ADAMTS20: variants seen among roughly 807,000 people sequenced by gnomAD.
The protein encoded by ADAMTS20 is A disintegrin and metalloproteinase with thrombospondin motifs 20.
Under a neutral mutation model 260.1 loss-of-function variants are expected in ADAMTS20, and 225 were observed. The observed-to-expected ratio is 0.87, with a 90% CI of 0.78 to 0.97. ADAMTS20 has a LOEUF of 0.97. Among genes scored for constraint, ADAMTS20 ranks in the 50% least tolerant of loss-of-function variants. The pLI is 0.00. For synonymous variants in ADAMTS20, 802 were observed against 769.5 expected, an observed-to-expected ratio of 1.04 and a Z score of -0.70; for missense variants, 2,400 against 2,337.7, an observed-to-expected ratio of 1.03 and a Z score of -0.55.
At chr12:43,433,070 C>T (rs1180920426) in intron 19 of ADAMTS20, among the ~76,000 whole-genome samples, 1 of 152,126 alleles carries the variant, frequency 6.6e-6, no homozygotes, top group Non-Finnish European at 1.5e-5. Flanking sequence ...ATTATGATTA[C>T]CCAATTACTT....
intron 37 of ADAMTS20, among the ~76,000 whole-genome samples, chr12:43,358,151 T>C (rs1472071057): frequency 6.6e-6 from 1 of 152,206 alleles, no homozygotes; most frequent in Admixed American, 6.5e-5. Flanking sequence ...GTTCCATTCT[T>C]CCATTTGCTC....
chr12:43,420,680 C>T (rs1453307200), intron 28 of ADAMTS20, among the ~76,000 whole-genome samples: 2 of 151,940 alleles, frequency 1.3e-5, no homozygotes, highest in African/African-American at 2.4e-5. Flanking sequence ...AGCCCAACAC[C>T]CTTTGCTCAG....
intron 4 of ADAMTS20, among the ~76,000 whole-genome samples, chr12:43,497,372 A>C (rs1310968763): frequency 6.6e-6 from 1 of 152,188 alleles, no homozygotes; most frequent in Non-Finnish European, 1.5e-5. Flanking sequence ...AGCTTTAGCA[A>C]ACATTCACAT....
At chr12:43,503,684 C>T (rs1054715497) in intron 3 of ADAMTS20, among the ~76,000 whole-genome samples, 30 of 152,024 alleles carry the variant, frequency 2.0e-4, no homozygotes, top group African/African-American at 6.8e-4. Flanking sequence ...GTATGTTACC[C>T]CATATTTGTT....
Position 43,399,199 on chromosome 12 carries a change from C to A in ADAMTS20, c.4319G>T (p.Arg1440Leu). 7.0e-6 allele frequency: 11 copies of A among 1,570,550 alleles called. No homozygotes were observed. Among genetic ancestry groups the A allele is most frequent in the Non-Finnish European group, 9.5e-6 (11 of 1,158,408 alleles). ...GAATTGGTCAATGCAAAACACTTCACGGTACTTTCTACCTTTACCACAAGA... is the reference window on the plus strand; with the variant it reads ...GAATTGGTCAATGCAAAACACTTCAAGGTACTTTCTACCTTTACCACAAGA... ...SASCGKGRKY[R>L]EVFCIDQFQR... The change falls in exon 29 of 39, where the codon CGT becomes CTT. Residue 1440 changes from arginine to leucine, a missense_variant. Physicochemically the swap from Arg to Leu is moderately radical, Grantham distance 102 (BLOSUM62 -2). Transcript: ENST00000389420.
chr12:43,532,336 A>G lies in ADAMTS20; in HGVS notation c.454-141T>C. On this transcript the variant is annotated intron_variant, in intron 2 of 38. Coordinates refer to ENST00000389420, the MANE Select transcript of ADAMTS20 (RefSeq NM_025003.5). Reference sequence around the variant, plus strand: ...TAAGAGCCATCAACTGAGCATAAAAAGTTTCCCTTCCCTGGGTCACTTTTC... The same window carrying G: ...TAAGAGCCATCAACTGAGCATAAAAGGTTTCCCTTCCCTGGGTCACTTTTC... 8 of 658,662 alleles carry G rather than the reference A, an allele frequency of 1.2e-5. No homozygotes were observed. The South Asian group carries it at 1.7e-4, about 14-fold the overall frequency. The allele number at this position is 658,662 out of a possible 1,614,324, so 40.8% of individuals were successfully genotyped here.
At chr12:43,425,919 C>T (rs3764467) in intron 27 of ADAMTS20, among the ~76,000 whole-genome samples, 13,545 of 152,036 alleles carry the variant, frequency 0.089, 817 homozygotes, top group Admixed American at 0.19. Context: ...TTCAATTCCA[C>T]GACTTTAAAA....
At chr12:43,526,955 A>G (rs1188701689) in intron 3 of ADAMTS20, among the ~76,000 whole-genome samples, 1 of 152,230 alleles carries the variant, frequency 6.6e-6, no homozygotes, top group Non-Finnish European at 1.5e-5. Context: ...AGATTATCCA[A>G]GAAAAGAAGA....
Position 43,429,685 on chromosome 12 carries a change from C to A in ADAMTS20, c.3421G>T (p.Glu1141Ter). The change falls in exon 24 of 39, where the codon GAG (glutamate) becomes TAG (stop). Residue 1141 changes from glutamate to a stop codon, truncating the protein, a stop_gained. Transcript: ENST00000389420. LOFTEE classifies it high-confidence loss of function. Reference protein sequence around the residue: ...LTPCSFISKLETALLPTVLIK... With the variant: ...LTPCSFISKL ...AGAACAGTTGGTAATAAAGCGGTCT[C>A]AAGTTTAGAAATAAATGAGCAAGGT... is the stretch of plus-strand genomic sequence containing the variant. 6.3e-7 allele frequency: 1 copy of A among 1,595,854 alleles called. No individual in the cohort carries two copies. Among genetic ancestry groups the A allele is most frequent in the South Asian group, 1.1e-5 (1 of 87,868 alleles).
chr12:43,367,174 A>G (rs1307786069), intron 37 of ADAMTS20, among the ~76,000 whole-genome samples: 1 of 152,032 alleles, frequency 6.6e-6, no homozygotes, highest in African/African-American at 2.4e-5. Context: ...ACAAGAGGAA[A>G]AAACACGTCC....
rs184892580 is a variant in ADAMTS20, at chr12:43,531,267, A to G, written c.613+769T>C. ...TTCCAATTTATATAAAGTTAAAACC[A>G]TGCAAAATTGAGCAATGTGTTTTTA... On this transcript the variant is annotated intron_variant, in intron 3 of 38. Transcript: ENST00000389420. 2.6e-4 allele frequency among the ~76,000 whole-genome samples: 40 copies of G among 152,246 alleles called. No individual in the cohort carries two copies. In the South Asian group the frequency reaches 4.1e-3, roughly 16 times the overall value.
intron 29 of ADAMTS20, among the ~76,000 whole-genome samples, chr12:43,392,807 T>C (rs2137241724): frequency 6.6e-6 from 1 of 152,248 alleles, no homozygotes; most frequent in African/African-American, 2.4e-5. Context: ...CCTCTTGAAT[T>C]GCTCCTTCTC....
At chr12:43,468,520 C>T (rs890773121) in intron 8 of ADAMTS20, 80 bp downstream of exon 8, 16 of 884,502 alleles carry the variant, frequency 1.8e-5, no homozygotes, top group South Asian at 6.0e-5. Flanking sequence ...GTACTAATTA[C>T]TCAACTGAAG....
At chr12:43,440,853 A>G (rs998938212) in intron 16 of ADAMTS20, among the ~76,000 whole-genome samples, 1 of 152,176 alleles carries the variant, frequency 6.6e-6, no homozygotes, top group South Asian at 2.1e-4. Context: ...TCACGAGGTC[A>G]GGAGATCGAG....
At chr12:43,419,121 T>C (rs1028850400) in intron 28 of ADAMTS20, among the ~76,000 whole-genome samples, 12 of 152,070 alleles carry the variant, frequency 7.9e-5, no homozygotes, top group Non-Finnish European at 1.8e-4. Flanking sequence ...AAATAAAAAT[T>C]ATATTTAACA....
At chr12:43,392,454 C>A (rs1238952024) in intron 29 of ADAMTS20, among the ~76,000 whole-genome samples, 2 of 152,018 alleles carry the variant, frequency 1.3e-5, no homozygotes, top group Admixed American at 6.6e-5. Context: ...ACTAAGAGAG[C>A]AGCTAGCTAC....
intron 18 of ADAMTS20, among the ~76,000 whole-genome samples, chr12:43,437,428 G>GA (rs888251163): frequency 6.6e-6 from 1 of 151,940 alleles, no homozygotes; most frequent in Non-Finnish European, 1.5e-5. Context: ...AAAAATAGAT[G>GA]AAAAAACAAC....
chr12:43,459,561 C>T (rs1375077223), intron 11 of ADAMTS20, among the ~76,000 whole-genome samples: 3 of 152,158 alleles, frequency 2.0e-5, no homozygotes, highest in Non-Finnish European at 4.4e-5. Flanking sequence ...GGAGCAAGGA[C>T]CCCCTGGTAA....
At chr12:43,367,126 A>G (rs1264425356) in intron 37 of ADAMTS20, among the ~76,000 whole-genome samples, 2 of 151,994 alleles carry the variant, frequency 1.3e-5, no homozygotes, top group African/African-American at 4.8e-5. Flanking sequence ...TACCAAACAT[A>G]TAAAGAATAA....
Sources: allele counts gnomAD v4.1 joint callset (sites outside exome capture counted in the v4.1 genomes callset), GRCh38; gene constraint gnomAD v4.1.1; transcripts MANE v1.5; gene names NCBI Gene and HGNC (gene_info 2026-07-23, HGNC 2026-07-21).